MB21D2: variants seen among roughly 807,000 people sequenced by gnomAD.
MB21D2 encodes the protein Mab-21 domain containing 2.
In MB21D2, 9 loss-of-function variants were observed where a neutral mutation model predicts 33.3. The observed-to-expected ratio is 0.27, with a 90% CI of 0.16 to 0.47. The LOEUF (loss-of-function observed/expected upper bound fraction) is 0.47. Among genes scored for constraint, MB21D2 ranks in the 20% least tolerant of loss-of-function variants. The pLI is 0.99. For synonymous variants in MB21D2, 241 were observed against 236.3 expected (o/e 1.02, Z -0.18); for missense variants, 540 against 624.6 (o/e 0.86, Z 1.44).
At chr3:192,814,898 A>G (rs1297844715) in intron 1 of MB21D2, among the ~76,000 whole-genome samples, 1 of 149,098 alleles carries the variant, frequency 6.7e-6, no homozygotes, top group Non-Finnish European at 1.5e-5. Flanking sequence ...ACAAAGTCAA[A>G]GATGAGTCTC....
At chr3:192,902,280 T>C (rs931403481) in intron 1 of MB21D2, among the ~76,000 whole-genome samples, 4 of 152,166 alleles carry the variant, frequency 2.6e-5, no homozygotes, top group African/African-American at 9.6e-5. Flanking sequence ...CACCCCACGT[T>C]TGTATACCAG....
intron 1 of MB21D2, among the ~76,000 whole-genome samples, chr3:192,878,081 C>CTTTTTTTTTTTTTT (rs11294126): frequency 8.4e-6 from 1 of 119,500 alleles, no homozygotes; most frequent in African/African-American, 3.2e-5. Context: ...AATTCCTCCT[C>CTTTTTTTTTTTTTT]TTTTTTTTTT....
intron 1 of MB21D2, among the ~76,000 whole-genome samples, chr3:192,906,554 G>A (rs1172705928): frequency 6.6e-6 from 1 of 152,192 alleles, no homozygotes; most frequent in East Asian, 1.9e-4. Context: ...GATGGCTGCT[G>A]CTGCTGCTGC....
At chr3:192,897,141 C>CA (rs1427530162) in intron 1 of MB21D2, among the ~76,000 whole-genome samples, 1 of 152,100 alleles carries the variant, frequency 6.6e-6, no homozygotes, top group African/African-American at 2.4e-5. Flanking sequence ...TCGTGGGATC[C>CA]ATGAGGTATT....
intron 1 of MB21D2, among the ~76,000 whole-genome samples, chr3:192,860,790 T>G (rs1560241992): frequency 6.6e-6 from 1 of 152,210 alleles, no homozygotes; most frequent in Non-Finnish European, 1.5e-5. Context: ...TCCAGACACA[T>G]CTGAAATAAA....
At chr3:192,815,174 C>T (rs1387563402) in intron 1 of MB21D2, among the ~76,000 whole-genome samples, 2 of 152,156 alleles carry the variant, frequency 1.3e-5, no homozygotes, top group Admixed American at 1.3e-4. Flanking sequence ...ATGTGTTCCC[C>T]ACACAAAGAA....
chr3:192,897,275 A>G (rs1328156045), intron 1 of MB21D2, among the ~76,000 whole-genome samples: 1 of 152,202 alleles, frequency 6.6e-6, no homozygotes. Flanking sequence ...AGCTTGTTCA[A>G]GGTCATCAAA....
At chr3:192,902,104 T>C (rs1344710958) in intron 1 of MB21D2, among the ~76,000 whole-genome samples, 1 of 152,188 alleles carries the variant, frequency 6.6e-6, no homozygotes, top group African/African-American at 2.4e-5. Context: ...AAAAGAATGT[T>C]TGTCCTGGGA....
At chr3:192,835,011 T>C (rs945618171) in intron 1 of MB21D2, among the ~76,000 whole-genome samples, 17 of 150,860 alleles carry the variant, frequency 1.1e-4, no homozygotes, top group Non-Finnish European at 2.2e-4. Flanking sequence ...GGTTTCACCA[T>C]GTTGGCCAGG....
chr3:192,847,309 A>C (rs1309802415), intron 1 of MB21D2, among the ~76,000 whole-genome samples: 1 of 152,166 alleles, frequency 6.6e-6, no homozygotes, highest in Non-Finnish European at 1.5e-5. Context: ...TGTCACACCC[A>C]ATCATTTGGG....
chr3:192,903,909 ACT>A (rs1472052986), intron 1 of MB21D2, among the ~76,000 whole-genome samples: 1 of 152,112 alleles, frequency 6.6e-6, no homozygotes, highest in Non-Finnish European at 1.5e-5. Flanking sequence ...ATGACTGGAA[ACT>A]CTCTGAGGCT....
At chr3:192,906,568 C>T (rs1348130659) in intron 1 of MB21D2, among the ~76,000 whole-genome samples, 6 of 152,216 alleles carry the variant, frequency 3.9e-5, no homozygotes, top group African/African-American at 1.4e-4. Context: ...CTGCTGCTTC[C>T]ATTTCAAACG....
At chr3:192,867,821 A>G (rs1043913607) in intron 1 of MB21D2, among the ~76,000 whole-genome samples, 5 of 152,134 alleles carry the variant, frequency 3.3e-5, no homozygotes, top group African/African-American at 1.2e-4. Flanking sequence ...TCCACTTCAT[A>G]TCTCTTGGAA....
intron 1 of MB21D2, among the ~76,000 whole-genome samples, chr3:192,824,420 T>A (rs964957048): frequency 6.6e-6 from 1 of 151,946 alleles, no homozygotes; most frequent in Non-Finnish European, 1.5e-5. Flanking sequence ...ATATCTTGAG[T>A]TGACCCTTTG....
chr3:192,809,451 T>C (rs749303902), intron 1 of MB21D2, among the ~76,000 whole-genome samples: 4 of 152,100 alleles, frequency 2.6e-5, no homozygotes, highest in Non-Finnish European at 5.9e-5. Flanking sequence ...AAATAAATTG[T>C]TTATGGCCAT....
chr3:192,877,238 C>T (rs905336120), intron 1 of MB21D2, among the ~76,000 whole-genome samples: 5 of 152,134 alleles, frequency 3.3e-5, no homozygotes, highest in African/African-American at 1.2e-4. Flanking sequence ...CTGGAGATTA[C>T]CATCTCCTAT....
At chr3:192,877,643 T>C (rs1443244345) in intron 1 of MB21D2, among the ~76,000 whole-genome samples, 1 of 152,206 alleles carries the variant, frequency 6.6e-6, no homozygotes, top group South Asian at 2.1e-4. Context: ...CATAATTATA[T>C]ATTTGACATA....
chr3:192,906,185 G>A (rs1262180739), intron 1 of MB21D2, among the ~76,000 whole-genome samples: 2 of 152,124 alleles, frequency 1.3e-5, no homozygotes, highest in Admixed American at 1.3e-4. Flanking sequence ...GGACTATCAG[G>A]GGTAAAATCT....
chr3:192,907,511 G>A (rs765661572), intron 1 of MB21D2, among the ~76,000 whole-genome samples: 11 of 152,168 alleles, frequency 7.2e-5, no homozygotes, highest in African/African-American at 2.2e-4. Flanking sequence ...CAATAGCTGG[G>A]TGGAGTCTTG....
Sources: allele counts gnomAD v4.1 joint callset (sites outside exome capture counted in the v4.1 genomes callset), GRCh38; gene constraint gnomAD v4.1.1; transcripts MANE v1.5; gene names NCBI Gene and HGNC (gene_info 2026-07-23, HGNC 2026-07-21).